The following CSMD1 variants were observed in gnomAD, a reference collection of about 807,000 sequenced individuals.
CSMD1 encodes CUB and Sushi multiple domains 1, also known as CUB and sushi domain-containing protein 1.
CSMD1 carries 213 observed loss-of-function variants against 417.5 expected under a neutral mutation model. The observed-to-expected ratio is 0.51, with a 90% CI of 0.46 to 0.57. The LOEUF (loss-of-function observed/expected upper bound fraction) is 0.57, where lower values mean the gene tolerates loss of function less well. CSMD1 is among the 20% of genes least tolerant of loss of function. CSMD1 has a pLI of 0.00. For synonymous variants in CSMD1, 2,862 were observed against 1,736.8 expected, an observed-to-expected ratio of 1.65 and a Z score of -16.11; for missense variants, 6,923 against 4,529.7, an observed-to-expected ratio of 1.53 and a Z score of -15.17.
intron 17 of CSMD1, among the ~76,000 whole-genome samples, chr8:3,390,294 G>T (rs1038124402): frequency 7.2e-6 from 1 of 138,414 alleles, no homozygotes; most frequent in African/African-American, 2.7e-5. Context: ...GGCAGAGGAT[G>T]CAGTGAGCCA....
At chr8:3,579,209 A>G (rs1800278247) in intron 9 of CSMD1, among the ~76,000 whole-genome samples, 1 of 152,178 alleles carries the variant, frequency 6.6e-6, no homozygotes, top group Non-Finnish European at 1.5e-5. Flanking sequence ...GTCAGGAGGG[A>G]AAGTGGAAAG....
intron 3 of CSMD1, among the ~76,000 whole-genome samples, chr8:4,079,667 G>C (rs981539633): frequency 2.0e-5 from 3 of 152,250 alleles, no homozygotes; most frequent in East Asian, 3.9e-4. Context: ...CGTTCTTGTG[G>C]GTTCACATTA....
intron 1 of CSMD1, among the ~76,000 whole-genome samples, chr8:4,948,993 C>T (rs367545888): frequency 1.2e-4 from 19 of 152,128 alleles, no homozygotes; most frequent in African/African-American, 4.3e-4. Flanking sequence ...TTAAGGAAGC[C>T]TCCTTCTGTT....
intron 2 of CSMD1, among the ~76,000 whole-genome samples, chr8:4,570,115 T>C (rs756546516): frequency 2.0e-5 from 3 of 152,174 alleles, no homozygotes; most frequent in Non-Finnish European, 4.4e-5. Context: ...CTCTTCCTAA[T>C]TGAATACTCT....
At chr8:3,970,062 T>C (rs76612808) in intron 5 of CSMD1, among the ~76,000 whole-genome samples, 3,152 of 152,296 alleles carry the variant, frequency 0.021, 51 homozygotes, top group Non-Finnish European at 0.03. Flanking sequence ...AACTACTAAG[T>C]AGTCTATGTT....
Position 4,917,506 on chromosome 8 carries a change from T to C in CSMD1, c.85+76826A>G, listed in dbSNP as rs189057307. On this transcript the variant is annotated intron_variant, in intron 1 of 69. Transcript: ENST00000635120. Reference sequence around the variant, plus strand: ...AAAATTAGCCGGGCATGGTGGCGGGTGCCTGTACTCCCAGCTACTCGGGAA... The same window carrying C: ...AAAATTAGCCGGGCATGGTGGCGGGCGCCTGTACTCCCAGCTACTCGGGAA... Among the ~76,000 whole-genome samples the C allele has an allele frequency of 5.1e-4, 78 of 152,130 alleles. 1 individual carries two copies. The East Asian group carries it at 0.013, about 26-fold the overall frequency.
At chr8:4,757,587 A>G (rs1397980505) in intron 1 of CSMD1, among the ~76,000 whole-genome samples, 3 of 152,190 alleles carry the variant, frequency 2.0e-5, no homozygotes, top group Non-Finnish European at 4.4e-5. Context: ...GCAATAGCCT[A>G]CAGGAGACAT....
At position 4,726,442 on chromosome 8, in the gene CSMD1, C is replaced by T. The variant is rs554129016; in HGVS notation, c.86-88884G>A. Among the ~76,000 whole-genome samples the T allele has an allele frequency of 2.0e-5, 3 of 152,196 alleles. No homozygotes were observed. In the South Asian group the frequency reaches 6.2e-4, roughly 32 times the overall value. Reference sequence around the variant, plus strand: ...TTCACAGAATTTGTTTTTAATACTCCAGCTCTTTGTGCTCCTTAAGTCTGC... The same window carrying T: ...TTCACAGAATTTGTTTTTAATACTCTAGCTCTTTGTGCTCCTTAAGTCTGC... On this transcript the variant is annotated intron_variant, in intron 1 of 69. Coordinates refer to ENST00000635120, the MANE Select transcript of CSMD1 (RefSeq NM_033225.6).
chr8:3,447,816 G>C (rs1563399201), intron 12 of CSMD1, among the ~76,000 whole-genome samples: 1 of 152,088 alleles, frequency 6.6e-6, no homozygotes, highest in Admixed American at 6.6e-5. Context: ...GGACCACTTG[G>C]GGCCATTTTT....
chr8:4,362,572 G>A (rs766921214), intron 3 of CSMD1, among the ~76,000 whole-genome samples: 6 of 152,146 alleles, frequency 3.9e-5, no homozygotes, highest in East Asian at 1.9e-4. Context: ...ATATAGCCCC[G>A]TGAAGTGTAG....
intron 12 of CSMD1, among the ~76,000 whole-genome samples, chr8:3,445,481 C>A (rs1396067479): frequency 6.6e-6 from 1 of 152,106 alleles, no homozygotes; most frequent in Non-Finnish European, 1.5e-5. Flanking sequence ...ACAGCTCGAG[C>A]AGATGGAACC....
chr8:3,223,632 G>C, intron 28 of CSMD1, 97 bp downstream of exon 28: 2 of 1,255,928 alleles, frequency 1.6e-6, no homozygotes, highest in Admixed American at 1.9e-5. Context: ...CACTTACCTA[G>C]ATATAACATT....
intron 1 of CSMD1, among the ~76,000 whole-genome samples, chr8:4,917,119 C>T (rs190224963): frequency 2.0e-5 from 3 of 152,104 alleles, no homozygotes; most frequent in Non-Finnish European, 4.4e-5. Context: ...AACTTACAGT[C>T]ATGGTGGAAG....
chr8:4,264,904 T>G (rs982711750), intron 3 of CSMD1, among the ~76,000 whole-genome samples: 17 of 152,186 alleles, frequency 1.1e-4, no homozygotes, highest in African/African-American at 3.9e-4. Flanking sequence ...CATGTAGGAA[T>G]TGGGTTTAAG....
chr8:3,368,743 A>C (rs184033354), intron 19 of CSMD1, among the ~76,000 whole-genome samples: 2 of 152,350 alleles, frequency 1.3e-5, no homozygotes. Flanking sequence ...AAAATGCAAA[A>C]TATCCTGATC....
At chr8:3,274,816 G>C (rs1004669741) in intron 26 of CSMD1, among the ~76,000 whole-genome samples, 6 of 152,118 alleles carry the variant, frequency 3.9e-5, no homozygotes, top group Admixed American at 2.6e-4. Context: ...TTGAGCCTAT[G>C]TGTGTCTGTA....
intron 39 of CSMD1, among the ~76,000 whole-genome samples, chr8:3,154,183 G>C (rs561514801): frequency 6.6e-6 from 1 of 152,306 alleles, no homozygotes; most frequent in Non-Finnish European, 1.5e-5. Context: ...ATGTTGGTCA[G>C]GCTGGTCTCG....
At chr8:3,549,442 C>A (rs181998710) in intron 10 of CSMD1, among the ~76,000 whole-genome samples, 1 of 152,282 alleles carries the variant, frequency 6.6e-6, no homozygotes, top group East Asian at 1.9e-4. Context: ...CTTTGAGGCT[C>A]ACATGGAAAC....
At chr8:3,265,942 G>A (rs901696858) in intron 26 of CSMD1, among the ~76,000 whole-genome samples, 2 of 151,818 alleles carry the variant, frequency 1.3e-5, no homozygotes, top group Non-Finnish European at 2.9e-5. Context: ...CAGGGAAAGG[G>A]GTCCAGTTTT....
Sources: allele counts gnomAD v4.1 joint callset (sites outside exome capture counted in the v4.1 genomes callset), GRCh38; gene constraint gnomAD v4.1.1; transcripts MANE v1.5; gene names NCBI Gene and HGNC (gene_info 2026-07-23, HGNC 2026-07-21).